VAV3: variants seen among roughly 807,000 people sequenced by gnomAD.
VAV3 encodes guanine nucleotide exchange factor VAV3.
In VAV3, 94 loss-of-function variants were observed where a neutral mutation model predicts 131.2. The observed-to-expected ratio is 0.72, with a 90% CI of 0.61 to 0.85. The LOEUF is 0.85. VAV3 is among the 40% of genes least tolerant of loss of function. VAV3 has a pLI of 0.00. For synonymous variants in VAV3, 349 were observed against 342.0 expected (o/e 1.02, Z -0.22); for missense variants, 939 against 1,002.7 (o/e 0.94, Z 0.86).
intron 2 of VAV3, among the ~76,000 whole-genome samples, chr1:107,828,627 A>T (rs1668115771): frequency 6.6e-6 from 1 of 152,118 alleles, no homozygotes; most frequent in Non-Finnish European, 1.5e-5. Flanking sequence ...TATTATGGAC[A>T]CATAGCCCTC....
At chr1:107,691,081 T>C (rs1288336302) in intron 17 of VAV3, among the ~76,000 whole-genome samples, 2 of 152,188 alleles carry the variant, frequency 1.3e-5, no homozygotes, top group Non-Finnish European at 2.9e-5. Flanking sequence ...GTATTTATGC[T>C]TTTGTGCTTG....
At position 107,757,178 on chromosome 1, in the gene VAV3, T is replaced by TGC. The variant is rs1352629565; in HGVS notation, c.1086+82_1086+83insGC. 9 of 841,160 alleles carry TGC rather than the reference T, an allele frequency of 1.1e-5. No individual in the cohort carries two copies. The African/African-American group carries it at 1.6e-4, about 15-fold the overall frequency. The allele number at this position is 841,160 out of a possible 1,614,324, so 52.1% of individuals were successfully genotyped here. On this transcript the variant is annotated intron_variant, in intron 11 of 26. Coordinates refer to ENST00000370056, the MANE Select transcript of VAV3 (RefSeq NM_006113.5). ...ATGTGTGTGTGTGTGTGTGTGTGTG[T>TGC]GTGTGTGTGTATGCAATTTGAATTC...
chr1:107,816,132 A>G (rs1254791359), intron 2 of VAV3, among the ~76,000 whole-genome samples: 1 of 152,156 alleles, frequency 6.6e-6, no homozygotes, highest in Non-Finnish European at 1.5e-5. Context: ...TGGACCTGGT[A>G]CTTGTCTGTG....
At chr1:107,688,230 G>T in intron 18 of VAV3, 151 bp downstream of exon 18, 1 of 1,002,144 alleles carries the variant, frequency 1.0e-6, no homozygotes, top group Non-Finnish European at 1.4e-6. Context: ...TTTGCATTTT[G>T]TTCACAATCA....
At chr1:107,892,739 C>A (rs1429909316) in intron 1 of VAV3, among the ~76,000 whole-genome samples, 1 of 152,118 alleles carries the variant, frequency 6.6e-6, no homozygotes, top group Non-Finnish European at 1.5e-5. Flanking sequence ...TGAATATTTT[C>A]CCCTGAATTT....
At chr1:107,933,473 G>C (rs1673557412) in intron 1 of VAV3, among the ~76,000 whole-genome samples, 1 of 151,886 alleles carries the variant, frequency 6.6e-6, no homozygotes, top group Non-Finnish European at 1.5e-5. Context: ...ATTAGAAGGA[G>C]AAAAAAAGTT....
intron 19 of VAV3, among the ~76,000 whole-genome samples, chr1:107,649,074 A>G (rs12728620): frequency 6.6e-6 from 1 of 151,528 alleles, no homozygotes; most frequent in Admixed American, 6.6e-5. Context: ...AACAAACAAA[A>G]AAAAAGCAAG....
At chr1:107,592,055 A>ATG (rs1177867145) in intron 25 of VAV3, among the ~76,000 whole-genome samples, 1 of 144,574 alleles carries the variant, frequency 6.9e-6, no homozygotes, top group Non-Finnish European at 1.5e-5. Context: ...ATATATACAT[A>ATG]CGTGTGTGTG....
chr1:107,731,326 CT>C (rs1662224938), intron 15 of VAV3, among the ~76,000 whole-genome samples: 3 of 152,158 alleles, frequency 2.0e-5, no homozygotes, highest in Admixed American at 1.3e-4. Flanking sequence ...TGAAATGAAA[CT>C]TTCAATGTAT....
intron 17 of VAV3, among the ~76,000 whole-genome samples, chr1:107,690,386 A>C (rs979130712): frequency 2.6e-5 from 4 of 152,122 alleles, no homozygotes; most frequent in Non-Finnish European, 5.9e-5. Context: ...AGAGGAGCAG[A>C]TCCAGGAACA....
At chr1:107,649,256 A>C (rs533610286) in intron 19 of VAV3, among the ~76,000 whole-genome samples, 1 of 152,208 alleles carries the variant, frequency 6.6e-6, no homozygotes, top group African/African-American at 2.4e-5. Context: ...CTGGTGATTA[A>C]CTTAACTCAA....
chr1:107,771,868 C>T (rs1311129917), intron 5 of VAV3, among the ~76,000 whole-genome samples: 1 of 152,174 alleles, frequency 6.6e-6, no homozygotes, highest in East Asian at 1.9e-4. Flanking sequence ...AAAATGCTGC[C>T]ACAGATGGGC....
At chr1:107,697,668 G>A (rs1421926925) in intron 17 of VAV3, among the ~76,000 whole-genome samples, 1 of 152,024 alleles carries the variant, frequency 6.6e-6, no homozygotes, top group African/African-American at 2.4e-5. Context: ...ATATATTTAT[G>A]ACCTTGTTTC....
At chr1:107,884,420 ATTATTAT>A (rs1670933895) in intron 1 of VAV3, among the ~76,000 whole-genome samples, 1 of 125,288 alleles carries the variant, frequency 8.0e-6, no homozygotes, top group Non-Finnish European at 1.7e-5. Flanking sequence ...TATTATTATT[ATTATTAT>A]TATTATTATT....
chr1:107,827,643 G>A (rs1270743089), intron 2 of VAV3, among the ~76,000 whole-genome samples: 1 of 152,152 alleles, frequency 6.6e-6, no homozygotes, highest in East Asian at 1.9e-4. Context: ...GTTCCAGAAA[G>A]CTATTACCAA....
chr1:107,659,291 T>C (rs1269670585), intron 19 of VAV3, among the ~76,000 whole-genome samples: 2 of 152,032 alleles, frequency 1.3e-5, no homozygotes, highest in Non-Finnish European at 2.9e-5. Flanking sequence ...AAAAAAAAAG[T>C]ATAAAAGGCC....
chr1:107,652,922 C>G (rs1261253172), intron 19 of VAV3, among the ~76,000 whole-genome samples: 1 of 151,984 alleles, frequency 6.6e-6, no homozygotes, highest in African/African-American at 2.4e-5. Context: ...TTATACTCAT[C>G]CTGAATACAC....
chr1:107,853,006 T>A (rs1242282394), intron 2 of VAV3, among the ~76,000 whole-genome samples: 8 of 152,142 alleles, frequency 5.3e-5, no homozygotes, highest in East Asian at 1.9e-4. Flanking sequence ...GTTTTTTTTT[T>A]AATTTGTATT....
intron 1 of VAV3, among the ~76,000 whole-genome samples, chr1:107,946,606 G>C (rs1162433501): frequency 6.6e-6 from 1 of 152,170 alleles, no homozygotes; most frequent in Non-Finnish European, 1.5e-5. Flanking sequence ...TCTGCACAAG[G>C]ACATGGACAG....
Sources: gnomAD v4.1 joint callset for allele counts (sites outside exome capture counted in the v4.1 genomes callset) on GRCh38, gnomAD v4.1.1 for gene constraint, MANE v1.5 for transcripts, NCBI Gene and HGNC (gene_info 2026-07-23, HGNC 2026-07-21) for gene names.